Variants in CCDC57 observed in about 807,000 individuals in gnomAD.
CCDC57 encodes the protein coiled-coil domain-containing protein 57.
Under a neutral mutation model 118.9 loss-of-function variants are expected in CCDC57, and 118 were observed. That is an observed-to-expected ratio of 0.99 (90% CI 0.86 to 1.16). The LOEUF is 1.16. Ranked by LOEUF, CCDC57 falls within the 50% of genes most tolerant of loss-of-function variation. CCDC57 has a pLI of 0.00. For synonymous variants in CCDC57, 527 were observed against 532.9 expected, an observed-to-expected ratio of 0.99 and a Z score of 0.15; for missense variants, 1,300 against 1,320.7, an observed-to-expected ratio of 0.98 and a Z score of 0.24.
intron 19 of CCDC57, among the ~76,000 whole-genome samples, chr17:82,119,172 A>G (rs1425942232): frequency 6.6e-6 from 1 of 150,458 alleles, no homozygotes; most frequent in Admixed American, 6.6e-5. Context: ...GATTAGAATG[A>G]CACTACAGAT....
In CCDC57 at chr17:82,169,189, C is replaced by T. The variant is rs1459880906; in HGVS notation, c.1882+2512G>A. Reference sequence around the variant, plus strand: ...TTACCTAGGCTGGAGTGTAGTGGTGCAATCTCGGCTCACTGCAACCTCCGC... The same window carrying T: ...TTACCTAGGCTGGAGTGTAGTGGTGTAATCTCGGCTCACTGCAACCTCCGC... On this transcript the variant is annotated intron_variant, in intron 13 of 19. Transcript: ENST00000665763. 2.6e-5 allele frequency among the ~76,000 whole-genome samples: 4 copies of T among 152,156 alleles called. No homozygotes were observed. In the East Asian group the frequency reaches 7.7e-4, roughly 29 times the overall value.
At chr17:82,124,135 G>A (rs903226544) in intron 19 of CCDC57, among the ~76,000 whole-genome samples, 7 of 152,270 alleles carry the variant, frequency 4.6e-5, no homozygotes, top group South Asian at 2.1e-4. Flanking sequence ...CAGATGCCTC[G>A]TTACAGACCC....
rs995529851 is a variant in CCDC57 at position 82,193,975 on chromosome 17, C to T, written c.776+7G>A. On this transcript the variant is annotated splice_region_variant and intron_variant, in intron 6 of 19. Coordinates refer to ENST00000665763, the Ensembl canonical transcript of CCDC57. ...AGCACGCCTCGGGAGATGAAGGACT[C>T]GCGCACCGGGCGCGGCTCATGGCCT... The T allele has an allele frequency of 1.9e-6, 3 of 1,605,960 alleles. No homozygotes were observed. The highest frequency in any genetic ancestry group is 1.7e-6 in the Non-Finnish European group (2 of 1,176,684).
intron 8 of CCDC57, among the ~76,000 whole-genome samples, chr17:82,185,492 A>G (rs2046814530): frequency 2.0e-5 from 3 of 151,106 alleles, no homozygotes; most frequent in Non-Finnish European, 4.4e-5. Context: ...GGTGGCACGC[A>G]CCTGTAGTCC....
Position 82,201,858 on chromosome 17 carries a change from G to C in CCDC57, c.87C>G (p.Thr29=), listed in dbSNP as rs376038243. 3.4e-3 allele frequency: 5,553 copies of C among 1,613,230 alleles called. 17 individuals are homozygous for C. Among genetic ancestry groups the C allele is most frequent in the Non-Finnish European group, 4.3e-3 (5,086 of 1,179,712 alleles). ...CCTGCAGAGCCGCCTCCTGCAGCTGGGTGCGGTGTGCCTGCAGCGCCCTCC... is the reference window on the plus strand; with the variant it reads ...CCTGCAGAGCCGCCTCCTGCAGCTGCGTGCGGTGTGCCTGCAGCGCCCTCC... Residue 29 remains threonine (T), a synonymous_variant, in exon 3 of 20, where the codon ACC becomes ACG. Transcript: ENST00000665763.
chr17:82,127,717 G>A, exon 19 of CCDC57: 1 of 1,608,574 alleles, frequency 6.2e-7, no homozygotes, highest in Non-Finnish European at 8.5e-7. Flanking sequence ...CCTGGGAGGT[G>A]ACACCAGAAG....
intron 17 of CCDC57, among the ~76,000 whole-genome samples, chr17:82,129,426 T>C (rs2037979338): frequency 6.6e-6 from 1 of 152,196 alleles, no homozygotes. Context: ...ATAGATGGCC[T>C]GCAAGGAGGC....
chr17:82,117,964 T>C (rs2036142358), intron 19 of CCDC57, among the ~76,000 whole-genome samples: 1 of 152,048 alleles, frequency 6.6e-6, no homozygotes, highest in Admixed American at 6.6e-5. Flanking sequence ...AGGTTCACTC[T>C]CTTAAGAGCT....
At chr17:82,126,619 A>C in intron 19 of CCDC57, 1 of 985,374 alleles carries the variant, frequency 1.0e-6, no homozygotes, top group Non-Finnish European at 1.2e-6. Flanking sequence ...CCGTGTGGCT[A>C]CAGGACTCTC....
chr17:82,164,184 T>C (rs1029427317), intron 13 of CCDC57, among the ~76,000 whole-genome samples: 17 of 151,980 alleles, frequency 1.1e-4, no homozygotes, highest in African/African-American at 4.1e-4. Context: ...GAGACCAACC[T>C]GGCCAATGTG....
intron 17 of CCDC57, among the ~76,000 whole-genome samples, chr17:82,132,994 A>G (rs973846589): frequency 6.6e-6 from 1 of 151,890 alleles, no homozygotes; most frequent in Non-Finnish European, 1.5e-5. Flanking sequence ...TTTTGACCTC[A>G]TGATCCACCC....
chr17:82,127,242 A>G (rs1598736651), intron 19 of CCDC57: 1 of 985,314 alleles, frequency 1.0e-6, no homozygotes, highest in Non-Finnish European at 1.2e-6. Context: ...GCTGAGCATC[A>G]CTGGGGTCGG....
intron 1 of CCDC57, among the ~76,000 whole-genome samples, chr17:82,211,938 C>T (rs1259393632): frequency 6.6e-6 from 1 of 152,172 alleles, no homozygotes; most frequent in Non-Finnish European, 1.5e-5. Context: ...GTTTATTTTC[C>T]TGTAACTGTT....
In CCDC57 at chr17:82,212,188, G is replaced by A. The variant is rs767745634; in HGVS notation, c.-211+597C>T. Among the ~76,000 whole-genome samples the A allele has an allele frequency of 6.6e-6, 1 of 152,100 alleles. No individual in the cohort carries two copies. Among genetic ancestry groups the A allele is most frequent in the African/African-American group, 2.4e-5 (1 of 41,436 alleles). Reference sequence around the variant, plus strand: ...CTCAGTTACAACATCGGGTTCAAGCGATTCTCCTGCTTCAGCCTCCGGAGT... The same window carrying A: ...CTCAGTTACAACATCGGGTTCAAGCAATTCTCCTGCTTCAGCCTCCGGAGT... On this transcript the variant is annotated intron_variant, in intron 1 of 19. Transcript: ENST00000665763. The surrounding 1 kb of genome is among the most constrained non-coding windows in gnomAD (Gnocchi z 4.1).
chr17:82,128,987 C>T (rs7216843), intron 17 of CCDC57, among the ~76,000 whole-genome samples: 79,966 of 151,638 alleles, frequency 0.53, 21,872 homozygotes, highest in Non-Finnish European at 0.58. Context: ...GGCGTGATCT[C>T]GGCTCACTGC....
intron 13 of CCDC57, among the ~76,000 whole-genome samples, chr17:82,167,740 C>T (rs1198087947): frequency 1.3e-5 from 2 of 152,096 alleles, no homozygotes; most frequent in African/African-American, 4.8e-5. Context: ...CTCGGCCTCC[C>T]AAAGTGCTGG....
chr17:82,184,363 G>C (rs978475147), intron 8 of CCDC57, among the ~76,000 whole-genome samples: 3 of 152,078 alleles, frequency 2.0e-5, no homozygotes, highest in Non-Finnish European at 4.4e-5. Flanking sequence ...AGCACCCCAC[G>C]TGCAGAGACA....
exon 8 of CCDC57, chr17:82,188,409 G>C (rs753260910): frequency 6.2e-7 from 1 of 1,610,770 alleles, no homozygotes; most frequent in East Asian, 2.2e-5. Flanking sequence ...AGACGGTCGA[G>C]CTCCTCATGC....
intron 14 of CCDC57, among the ~76,000 whole-genome samples, chr17:82,162,335 G>A (rs1314742617): frequency 6.6e-6 from 1 of 152,152 alleles, no homozygotes; most frequent in East Asian, 1.9e-4. Context: ...AAGCCAAAAC[G>A]ATGTTAGGAA....
Sources: allele counts gnomAD v4.1 joint callset (sites outside exome capture counted in the v4.1 genomes callset), GRCh38; gene constraint gnomAD v4.1.1; non-coding constraint Gnocchi (gnomAD v3.1); transcripts MANE v1.5; gene names NCBI Gene and HGNC (gene_info 2026-07-23, HGNC 2026-07-21).